Variants in PTPRD observed in about 807,000 individuals in gnomAD.
The protein encoded by PTPRD is receptor-type tyrosine-protein phosphatase delta.
In PTPRD, 34 loss-of-function variants were observed where a neutral mutation model predicts 214.5. That is an observed-to-expected ratio of 0.16 (90% CI 0.12 to 0.21). PTPRD has a LOEUF of 0.21. PTPRD is among the 10% of genes least tolerant of loss of function. The pLI is 1.00. For missense variants in PTPRD, 2,545 were observed against 2,398.7 expected (o/e 1.06, Z -1.27); for synonymous variants, 1,128 against 845.7 (o/e 1.33, Z -5.79).
intron 3 of PTPRD, among the ~76,000 whole-genome samples, chr9:10,327,539 A>G (rs1020487148): frequency 6.6e-6 from 1 of 151,696 alleles, no homozygotes; most frequent in Non-Finnish European, 1.5e-5. Context: ...ATTCTATATT[A>G]TATCATTGGG....
At chr9:10,115,975 G>A (rs1031063747) in intron 3 of PTPRD, among the ~76,000 whole-genome samples, 11 of 151,922 alleles carry the variant, frequency 7.2e-5, no homozygotes, top group Non-Finnish European at 1.6e-4. Context: ...CATAATTTAA[G>A]ATAGAAAAAA....
intron 3 of PTPRD, among the ~76,000 whole-genome samples, chr9:10,156,229 G>C (rs892302081): frequency 2.0e-5 from 3 of 151,538 alleles, no homozygotes; most frequent in Non-Finnish European, 4.4e-5. Flanking sequence ...GTGATGTTAG[G>C]TTGTTAATTT....
intron 9 of PTPRD, among the ~76,000 whole-genome samples, chr9:9,327,920 A>AT: frequency 6.8e-6 from 1 of 147,380 alleles, no homozygotes; most frequent in Admixed American, 6.8e-5. Context: ...AAAAAAAAAA[A>AT]TCACAAAAAA....
intron 11 of PTPRD, among the ~76,000 whole-genome samples, chr9:8,816,752 C>G (rs1242502252): frequency 6.6e-6 from 1 of 152,168 alleles, no homozygotes; most frequent in East Asian, 1.9e-4. Context: ...TACTCAAGTT[C>G]AGTCTTTTTA....
intron 5 of PTPRD, among the ~76,000 whole-genome samples, chr9:9,880,070 C>T (rs1418408518): frequency 6.6e-6 from 1 of 152,066 alleles, no homozygotes; most frequent in Non-Finnish European, 1.5e-5. Flanking sequence ...CCCCAAGTGT[C>T]CAGGGAGGGA....
At chr9:9,072,442 C>A (rs634098) in intron 10 of PTPRD, among the ~76,000 whole-genome samples, 2 of 151,440 alleles carry the variant, frequency 1.3e-5, no homozygotes, top group African/African-American at 2.4e-5. Context: ...TTAAAAACCA[C>A]TGGGTAGAGC....
intron 3 of PTPRD, among the ~76,000 whole-genome samples, chr9:10,113,370 G>C (rs931834241): frequency 6.6e-6 from 1 of 152,186 alleles, no homozygotes; most frequent in Non-Finnish European, 1.5e-5. Flanking sequence ...TCACAATGAA[G>C]TCAGGTACTT....
chr9:9,556,138 T>C (rs1263666622), intron 8 of PTPRD, among the ~76,000 whole-genome samples: 1 of 152,140 alleles, frequency 6.6e-6, no homozygotes, highest in African/African-American at 2.4e-5. Flanking sequence ...ATATTTTGTA[T>C]GTTATATGTA....
intron 3 of PTPRD, among the ~76,000 whole-genome samples, chr9:10,126,430 C>T (rs201108969): frequency 0.027 from 2,511 of 91,352 alleles, 71 homozygotes; most frequent in African/African-American, 0.099. Flanking sequence ...TATATATACA[C>T]ACACACACAC....
intron 9 of PTPRD, among the ~76,000 whole-genome samples, chr9:9,394,708 A>C (rs886908037): frequency 6.6e-6 from 1 of 152,088 alleles, no homozygotes; most frequent in African/African-American, 2.4e-5. Context: ...AGAATAGTAT[A>C]TATACATTAT....
At chr9:8,772,015 C>G (rs941829979) in intron 11 of PTPRD, among the ~76,000 whole-genome samples, 3 of 151,904 alleles carry the variant, frequency 2.0e-5, no homozygotes, top group Admixed American at 1.3e-4. Context: ...CCCCACCTAC[C>G]CTGATGTGAT....
rs141058274 is a variant in PTPRD at position 9,600,752 on chromosome 9, C to T, written c.-286-25971G>A. 3.8e-3 allele frequency among the ~76,000 whole-genome samples: 585 copies of T among 152,188 alleles called. 1 individual carries two copies. The highest frequency in any genetic ancestry group is 0.013 in the African/African-American group (536 of 41,552). On this transcript the variant is annotated intron_variant, in intron 7 of 45. Coordinates refer to ENST00000381196, the MANE Select transcript of PTPRD (RefSeq NM_002839.4). ...ATTATAACAGAACCGTCCATCCTTCCGATTTTATTCACTGGATGCTAACTT... is the reference window on the plus strand; with the variant it reads ...ATTATAACAGAACCGTCCATCCTTCTGATTTTATTCACTGGATGCTAACTT...
In PTPRD at chr9:8,646,444, T is replaced by G. The variant is rs540212453; in HGVS notation, c.65-9600A>C. ...GGCCTTTAAGATATTTCAGAGCTGC[T>G]GTCAATCTATTTTCCCAAATACATT... On this transcript the variant is annotated intron_variant, in intron 12 of 45. Coordinates refer to ENST00000381196, the MANE Select transcript of PTPRD (RefSeq NM_002839.4). 5.3e-5 allele frequency among the ~76,000 whole-genome samples: 8 copies of G among 152,344 alleles called. No individual in the cohort carries two copies. In the South Asian group the frequency reaches 6.2e-4, roughly 12 times the overall value.
intron 9 of PTPRD, among the ~76,000 whole-genome samples, chr9:9,188,165 G>C (rs1332978453): frequency 1.3e-5 from 2 of 151,972 alleles, no homozygotes; most frequent in Admixed American, 6.6e-5. Flanking sequence ...AGTATTGCAT[G>C]TTATTTTTGT....
intron 3 of PTPRD, among the ~76,000 whole-genome samples, chr9:10,090,955 CACACATGCAT>C (rs2098422890): frequency 1.4e-5 from 2 of 147,980 alleles, no homozygotes; most frequent in Admixed American, 6.8e-5. Context: ...CACACACACA[CACACATGCAT>C]GTGGTAGAGT....
At chr9:10,398,027 A>C (rs1234115578) in intron 2 of PTPRD, among the ~76,000 whole-genome samples, 1 of 151,612 alleles carries the variant, frequency 6.6e-6, no homozygotes, top group African/African-American at 2.4e-5. Context: ...ACCATCTCTC[A>C]AATCAAAACA....
intron 34 of PTPRD, among the ~76,000 whole-genome samples, chr9:8,444,999 T>A (rs868712013): frequency 3.9e-5 from 6 of 152,290 alleles, no homozygotes; most frequent in Non-Finnish European, 8.8e-5. Flanking sequence ...CTTCCCTTCT[T>A]CCATAGATCT....
At chr9:8,488,139 A>G (rs535087488) in intron 27 of PTPRD, among the ~76,000 whole-genome samples, 2 of 152,352 alleles carry the variant, frequency 1.3e-5, no homozygotes, top group South Asian at 2.1e-4. Context: ...AGGTAAAAAA[A>G]TCACTAAAAA....
intron 4 of PTPRD, among the ~76,000 whole-genome samples, chr9:10,023,196 C>T (rs1157189465): frequency 3.9e-5 from 6 of 152,094 alleles, no homozygotes; most frequent in Non-Finnish European, 8.8e-5. Flanking sequence ...AAATGTATCA[C>T]TGTTACGACT....
Sources: allele counts gnomAD v4.1 joint callset (sites outside exome capture counted in the v4.1 genomes callset), GRCh38; gene constraint gnomAD v4.1.1; transcripts MANE v1.5; gene names NCBI Gene and HGNC (gene_info 2026-07-23, HGNC 2026-07-21).